Variants in RAPGEF2 observed in about 807,000 individuals in gnomAD.
RAPGEF2 encodes the protein PDZ domain containing guanine nucleotide exchange factor (GEF) 1.
A neutral mutation model predicts 186.7 loss-of-function variants in RAPGEF2; 54 were observed. The observed-to-expected ratio is 0.29, with a 90% CI of 0.23 to 0.36. RAPGEF2 has a LOEUF of 0.36. Among genes scored for constraint, RAPGEF2 ranks in the 10% least tolerant of loss-of-function variants. RAPGEF2 has a pLI of 1.00. For synonymous variants in RAPGEF2, 712 were observed against 705.9 expected, an observed-to-expected ratio of 1.01 and a Z score of -0.14; for missense variants, 1,532 against 2,045.0, an observed-to-expected ratio of 0.75 and a Z score of 4.84.
At chr4:159,170,844 G>A (rs988467474) in intron 1 of RAPGEF2, among the ~76,000 whole-genome samples, 5 of 135,522 alleles carry the variant, frequency 3.7e-5, no homozygotes, top group African/African-American at 1.0e-4. Context: ...CAGGTCTTAC[G>A]TTTAAGTCTT....
In RAPGEF2 at chr4:159,314,323, A is replaced by G. The variant is rs78004920; in HGVS notation, c.676-268A>G. ...AATACTTTTTCTTCTTTATTCTACT[A>G]TGTTTCAAATGCCATATGACAGCTA... On this transcript the variant is annotated intron_variant, in intron 8 of 29. Coordinates refer to ENST00000691494, the MANE Select transcript of RAPGEF2 (RefSeq NM_001394067.2). Among the ~76,000 whole-genome samples the G allele has an allele frequency of 7.0e-3, 1,068 of 152,314 alleles. 11 individuals carry two copies. The highest frequency in any genetic ancestry group is 0.024 in the African/African-American group (1,008 of 41,554).
At chr4:159,278,019 G>T (rs977855382) in intron 7 of RAPGEF2, among the ~76,000 whole-genome samples, 3 of 152,128 alleles carry the variant, frequency 2.0e-5, no homozygotes, top group African/African-American at 7.2e-5. Context: ...AGTCCTTGCC[G>T]ATGCCTATGT....
intron 5 of RAPGEF2, 120 bp downstream of exon 5, chr4:159,239,004 T>TTC: frequency 2.0e-6 from 1 of 493,444 alleles, no homozygotes; most frequent in Non-Finnish European, 3.3e-6. Context: ...ATATTTTCTA[T>TTC]AACAGATATA....
intron 7 of RAPGEF2, chr4:159,267,377 T>A: frequency 8.1e-7 from 1 of 1,236,384 alleles, no homozygotes. Context: ...ATTGTGTGTG[T>A]GCATGTGCTG....
intron 1 of RAPGEF2, among the ~76,000 whole-genome samples, chr4:159,181,575 CT>C (rs531646826): frequency 0.11 from 12,729 of 121,196 alleles, 678 homozygotes; most frequent in African/African-American, 0.26. Context: ...GGAAGACAGT[CT>C]TTTTTTTTTT....
intron 8 of RAPGEF2, among the ~76,000 whole-genome samples, chr4:159,308,110 T>C (rs1175248796): frequency 1.3e-5 from 2 of 152,228 alleles, no homozygotes; most frequent in Non-Finnish European, 2.9e-5. Context: ...CTGGTTATCA[T>C]CTGATTGTCT....
chr4:159,114,663 T>C (rs1051328925), intron 1 of RAPGEF2, among the ~76,000 whole-genome samples: 1 of 152,250 alleles, frequency 6.6e-6, no homozygotes, highest in African/African-American at 2.4e-5. Context: ...ATATTTGTTA[T>C]AAGAAAAATT....
chr4:159,289,811 T>TA (rs1488109024), intron 7 of RAPGEF2, among the ~76,000 whole-genome samples: 2 of 151,750 alleles, frequency 1.3e-5, no homozygotes, highest in Non-Finnish European at 2.9e-5. Context: ...AGGCCAGGGG[T>TA]GAGAGTGTTC....
intron 7 of RAPGEF2, among the ~76,000 whole-genome samples, chr4:159,277,962 G>A (rs1442145373): frequency 1.3e-5 from 2 of 152,156 alleles, no homozygotes; most frequent in African/African-American, 4.8e-5. Context: ...GATCCCATTT[G>A]TCAATTTTTG....
chr4:159,295,874 T>C (rs1221674992), intron 7 of RAPGEF2, among the ~76,000 whole-genome samples: 1 of 152,106 alleles, frequency 6.6e-6, no homozygotes, highest in African/African-American at 2.4e-5. Flanking sequence ...ATAAGCCACC[T>C]TAATCTTTTA....
At chr4:159,225,198 A>C (rs1003006021) in intron 4 of RAPGEF2, among the ~76,000 whole-genome samples, 3 of 152,186 alleles carry the variant, frequency 2.0e-5, no homozygotes, top group Non-Finnish European at 4.4e-5. Flanking sequence ...ACTTATAGCC[A>C]TGTCAGAAAG....
intron 8 of RAPGEF2, among the ~76,000 whole-genome samples, chr4:159,314,268 C>A (rs910290171): frequency 6.6e-6 from 1 of 152,196 alleles, no homozygotes; most frequent in Non-Finnish European, 1.5e-5. Flanking sequence ...TTAGCCTAAG[C>A]CATTCTCTTT....
chr4:159,320,520 G>C (rs1340812798), intron 9 of RAPGEF2, among the ~76,000 whole-genome samples: 1 of 152,086 alleles, frequency 6.6e-6, no homozygotes, highest in Non-Finnish European at 1.5e-5. Context: ...ATAAATCTGA[G>C]TCAGTTTGTG....
chr4:159,282,325 A>T (rs757879986), intron 7 of RAPGEF2, among the ~76,000 whole-genome samples: 4 of 152,226 alleles, frequency 2.6e-5, no homozygotes, highest in Non-Finnish European at 4.4e-5. Flanking sequence ...TGGTTTGCAA[A>T]ATAGCTCATA....
chr4:159,113,032 A>G (rs1018657789), intron 1 of RAPGEF2, among the ~76,000 whole-genome samples: 1 of 152,228 alleles, frequency 6.6e-6, no homozygotes, highest in African/African-American at 2.4e-5. Flanking sequence ...TGGAGCAAAT[A>G]TCAGATAGAC....
chr4:159,241,391 TTTTA>T (rs1156369317), intron 6 of RAPGEF2, 23 bp downstream of exon 6: 9 of 1,289,706 alleles, frequency 7.0e-6, no homozygotes, highest in Non-Finnish European at 7.9e-6. Context: ...AGTATAATAT[TTTTA>T]TTTATTTCTA....
intron 7 of RAPGEF2, among the ~76,000 whole-genome samples, chr4:159,299,418 T>A (rs1762387656): frequency 1.4e-5 from 2 of 146,452 alleles, no homozygotes; most frequent in South Asian, 4.3e-4. Context: ...ACCATGAAAC[T>A]CTCTTTTACA....
At chr4:159,155,339 G>A (rs566397609) in intron 1 of RAPGEF2, among the ~76,000 whole-genome samples, 32 of 152,194 alleles carry the variant, frequency 2.1e-4, no homozygotes, top group Non-Finnish European at 4.3e-4. Flanking sequence ...ACATTTCCTC[G>A]TCCTTGTTTT....
chr4:159,276,955 G>T (rs1459542584), intron 7 of RAPGEF2, among the ~76,000 whole-genome samples: 1 of 152,110 alleles, frequency 6.6e-6, no homozygotes, highest in Non-Finnish European at 1.5e-5. Context: ...TTAAGTTGTA[G>T]TGTACATGTG....
Sources: allele counts gnomAD v4.1 joint callset (sites outside exome capture counted in the v4.1 genomes callset), GRCh38; gene constraint gnomAD v4.1.1; transcripts MANE v1.5; gene names NCBI Gene and HGNC (gene_info 2026-07-23, HGNC 2026-07-21).